HMBOX1: variants seen among roughly 807,000 people sequenced by gnomAD.
HMBOX1 encodes the protein homeobox containing 1, also known as homeobox-containing protein 1.
HMBOX1 carries 14 observed loss-of-function variants against 54.5 expected under a neutral mutation model. The observed-to-expected ratio is 0.26, with a 90% CI of 0.17 to 0.40. The LOEUF is 0.40. Ranked by LOEUF, HMBOX1 falls within the 10% of genes least tolerant of loss-of-function variation. The probability of loss-of-function intolerance (pLI) is 1.00; values close to 1 mark genes in which losing one functional copy is unlikely to be tolerated. For missense variants in HMBOX1, 332 were observed against 514.4 expected (o/e 0.65, Z 3.43); for synonymous variants, 160 against 181.0 (o/e 0.88, Z 0.93).
intron 4 of HMBOX1, among the ~76,000 whole-genome samples, chr8:28,984,713 A>C (rs1344818165): frequency 6.6e-6 from 1 of 152,206 alleles, no homozygotes; most frequent in Non-Finnish European, 1.5e-5. Context: ...AGTAATAAGC[A>C]CATGTATTCT....
At chr8:29,022,500 A>T (rs1264773701) in intron 6 of HMBOX1, among the ~76,000 whole-genome samples, 1 of 152,226 alleles carries the variant, frequency 6.6e-6, no homozygotes, top group Non-Finnish European at 1.5e-5. Context: ...TTCAAAATAC[A>T]GAAGATGACC....
chr8:28,942,068 G>A (rs1821529490), intron 1 of HMBOX1, among the ~76,000 whole-genome samples: 1 of 152,206 alleles, frequency 6.6e-6, no homozygotes. Flanking sequence ...TCCTCTGTGA[G>A]GGATAGTAGC....
chr8:28,990,096 T>G (rs1830765323), intron 4 of HMBOX1, among the ~76,000 whole-genome samples: 1 of 152,182 alleles, frequency 6.6e-6, no homozygotes. Flanking sequence ...ATTTTTTTTG[T>G]TTAGGATTTT....
At chr8:28,951,409 G>A (rs1563452566) in intron 1 of HMBOX1, among the ~76,000 whole-genome samples, 1 of 152,344 alleles carries the variant, frequency 6.6e-6, no homozygotes, top group East Asian at 1.9e-4. Context: ...GGGATTACAG[G>A]CGTGAGCCAC....
At chr8:29,028,622 G>A (rs1802437702) in intron 6 of HMBOX1, among the ~76,000 whole-genome samples, 1 of 152,114 alleles carries the variant, frequency 6.6e-6, no homozygotes, top group African/African-American at 2.4e-5. Flanking sequence ...TCTGGGTGTG[G>A]TTCAGACAAC....
intron 1 of HMBOX1, among the ~76,000 whole-genome samples, chr8:28,953,697 C>T (rs971501985): frequency 5.9e-5 from 9 of 151,944 alleles, no homozygotes; most frequent in African/African-American, 1.5e-4. Context: ...TGATGAGATA[C>T]CTGATACCTG....
chr8:28,898,140 T>G (rs1479610611), intron 1 of HMBOX1, among the ~76,000 whole-genome samples: 1 of 151,114 alleles, frequency 6.6e-6, no homozygotes, highest in Non-Finnish European at 1.5e-5. Flanking sequence ...GCTAACAAAA[T>G]ATTTTCAAAT....
In HMBOX1 at chr8:29,051,183, C is replaced by T. The variant is rs748908931; in HGVS notation, c.*28C>T. On this transcript the variant is annotated 3_prime_UTR_variant, in exon 10 of 10. Coordinates refer to ENST00000287701, the MANE Select transcript of HMBOX1 (RefSeq NM_001135726.3). ...AGGGAGGTTAAACATGACAAGTTAA[C>T]TTAGTTTAGACGTAGCACCTTAGCA... The T allele has an allele frequency of 1.4e-5, 23 of 1,612,164 alleles. No individual in the cohort carries two copies. In the South Asian group the frequency reaches 2.5e-4, roughly 18 times the overall value.
At chr8:29,008,864 C>T (rs763928509) in intron 4 of HMBOX1, among the ~76,000 whole-genome samples, 5 of 152,128 alleles carry the variant, frequency 3.3e-5, no homozygotes, top group Non-Finnish European at 7.4e-5. Flanking sequence ...AATAAACTGC[C>T]TTGACGTTGA....
chr8:28,941,057 G>A (rs936781407), intron 1 of HMBOX1, among the ~76,000 whole-genome samples: 4 of 152,086 alleles, frequency 2.6e-5, no homozygotes, highest in Non-Finnish European at 5.9e-5. Context: ...TTAGAGTAGT[G>A]AATATTATTT....
chr8:28,971,009 C>T (rs1420203911), intron 3 of HMBOX1, among the ~76,000 whole-genome samples: 1 of 150,358 alleles, frequency 6.7e-6, no homozygotes, highest in Non-Finnish European at 1.5e-5. Context: ...CACACACACA[C>T]ACACACACAC....
intron 1 of HMBOX1, among the ~76,000 whole-genome samples, chr8:28,952,218 A>G (rs1051750060): frequency 6.6e-6 from 1 of 151,800 alleles, no homozygotes; most frequent in Non-Finnish European, 1.5e-5. Context: ...AACTGGAATC[A>G]GGACTAGGAA....
At chr8:28,931,758 C>G (rs114563304) in intron 1 of HMBOX1, among the ~76,000 whole-genome samples, 3,512 of 152,264 alleles carry the variant, frequency 0.023, 123 homozygotes, top group African/African-American at 0.08. Flanking sequence ...CCAAGCCAGT[C>G]TGGAACTCCT....
chr8:28,942,328 C>T (rs1056738372), intron 1 of HMBOX1, among the ~76,000 whole-genome samples: 1 of 152,214 alleles, frequency 6.6e-6, no homozygotes, highest in African/African-American at 2.4e-5. Flanking sequence ...GTCATTGCCA[C>T]ACCAGTTCTA....
At position 29,051,415 on chromosome 8, in the gene HMBOX1, G is replaced by T. The variant is rs1806414172; in HGVS notation, c.*260G>T. On this transcript the variant is annotated 3_prime_UTR_variant, in exon 10 of 10. Transcript: ENST00000287701. ...GCCCCCGAGGCTAGAAAATCTTGCTGCTCCGTCTTAGCATTCCAAGAAAGT... is the reference window on the plus strand; with the variant it reads ...GCCCCCGAGGCTAGAAAATCTTGCTTCTCCGTCTTAGCATTCCAAGAAAGT... 5 of 657,436 alleles carry T rather than the reference G, an allele frequency of 7.6e-6. No homozygotes were observed. The highest frequency in any genetic ancestry group is 1.1e-5 in the Non-Finnish European group (4 of 359,444). The allele number at this position is 657,436 out of a possible 1,614,324, so 40.7% of individuals were successfully genotyped here. A position where few individuals can be genotyped will look rare whatever the true frequency, so the allele number is the denominator to read the frequency against.
chr8:29,043,294 T>G (rs944467625), intron 6 of HMBOX1, among the ~76,000 whole-genome samples: 2 of 149,852 alleles, frequency 1.3e-5, no homozygotes, highest in Non-Finnish European at 3.0e-5. Context: ...TATAAAACGC[T>G]CTTCCTCCTC....
chr8:28,933,598 C>G (rs191097384), intron 1 of HMBOX1, among the ~76,000 whole-genome samples: 207 of 151,194 alleles, frequency 1.4e-3, no homozygotes, highest in African/African-American at 4.6e-3. Context: ...TTACCAATAT[C>G]TGGAATGAAA....
chr8:28,982,894 G>A (rs1480860524), intron 4 of HMBOX1, among the ~76,000 whole-genome samples: 1 of 152,118 alleles, frequency 6.6e-6, no homozygotes, highest in African/African-American at 2.4e-5. Flanking sequence ...AAAGTGCTGC[G>A]ATTACAGGCA....
At chr8:28,892,193 ATC>A (rs1279544535) in intron 1 of HMBOX1, among the ~76,000 whole-genome samples, 18 of 152,358 alleles carry the variant, frequency 1.2e-4, no homozygotes, top group Non-Finnish European at 2.4e-4. Flanking sequence ...TAATTATCAC[ATC>A]AGGATTGCAG....
Sources: gnomAD v4.1 joint callset for allele counts (sites outside exome capture counted in the v4.1 genomes callset) on GRCh38, gnomAD v4.1.1 for gene constraint, MANE v1.5 for transcripts, NCBI Gene and HGNC (gene_info 2026-07-23, HGNC 2026-07-21) for gene names.